KIAA1217: variants seen among roughly 807,000 people sequenced by gnomAD.
KIAA1217 encodes the protein sickle tail protein homolog.
A neutral mutation model predicts 163.9 loss-of-function variants in KIAA1217; 88 were observed. That is an observed-to-expected ratio of 0.54 (90% CI 0.45 to 0.64). KIAA1217 has a LOEUF of 0.64. Among genes scored for constraint, KIAA1217 ranks in the 30% least tolerant of loss-of-function variants. The probability of loss-of-function intolerance (pLI) is 0.00; values close to 1 mark genes in which losing one functional copy is unlikely to be tolerated. For missense variants in KIAA1217, 2,372 were observed against 2,475.0 expected (o/e 0.96, Z 0.88); for synonymous variants, 903 against 923.1 (o/e 0.98, Z 0.39).
chr10:24,198,380 G>A (rs542198923), intron 2 of KIAA1217, among the ~76,000 whole-genome samples: 1 of 152,070 alleles, frequency 6.6e-6, no homozygotes, highest in African/African-American at 2.4e-5. Flanking sequence ...AGGCTGAGGC[G>A]GGTGGATCAC....
intron 1 of KIAA1217, among the ~76,000 whole-genome samples, chr10:23,779,223 A>G (rs1835146058): frequency 6.6e-6 from 1 of 152,036 alleles, no homozygotes; most frequent in African/African-American, 2.4e-5. Flanking sequence ...AGTACCCAGG[A>G]CTCCTAGAGC....
At chr10:24,201,919 T>A (rs1339665028) in intron 2 of KIAA1217, among the ~76,000 whole-genome samples, 1 of 96,194 alleles carries the variant, frequency 1.0e-5, no homozygotes, top group Non-Finnish European at 2.5e-5. Context: ...CCCAACCTCC[T>A]GATCACCCCT....
chr10:24,520,371 C>T (rs1359580526), intron 11 of KIAA1217, 118 bp downstream of exon 11: 1 of 1,389,222 alleles, frequency 7.2e-7, no homozygotes, highest in South Asian at 1.3e-5. Flanking sequence ...TCTACATGTG[C>T]CAGGCATTGT....
chr10:24,331,953 C>T (rs2045735449), intron 2 of KIAA1217, among the ~76,000 whole-genome samples: 1 of 152,182 alleles, frequency 6.6e-6, no homozygotes, highest in South Asian at 2.1e-4. Context: ...GCGCGTGCCA[C>T]CATGCCCAGC....
intron 14 of KIAA1217, among the ~76,000 whole-genome samples, chr10:24,529,581 T>C (rs1592695763): frequency 6.6e-6 from 1 of 152,124 alleles, no homozygotes; most frequent in East Asian, 1.9e-4. Context: ...ACTTGTCTCC[T>C]CCCCAGTTTT....
At chr10:24,358,618 A>ATC in intron 2 of KIAA1217, among the ~76,000 whole-genome samples, 1 of 152,246 alleles carries the variant, frequency 6.6e-6, no homozygotes, top group African/African-American at 2.4e-5. Flanking sequence ...ATATTGAGAC[A>ATC]CAAAATTGAA....
At chr10:24,484,472 C>A (rs2065136179) in intron 6 of KIAA1217, among the ~76,000 whole-genome samples, 1 of 151,642 alleles carries the variant, frequency 6.6e-6, no homozygotes, top group African/African-American at 2.4e-5. Flanking sequence ...GTTTTGAACT[C>A]CTGACTTCAA....
At chr10:24,423,876 T>C (rs1186935109) in intron 3 of KIAA1217, among the ~76,000 whole-genome samples, 1 of 152,022 alleles carries the variant, frequency 6.6e-6, no homozygotes, top group African/African-American at 2.4e-5. Flanking sequence ...AAAATTATTA[T>C]TGCCTGGAAT....
chr10:24,231,041 G>A (rs540884988), intron 2 of KIAA1217, among the ~76,000 whole-genome samples: 9 of 152,332 alleles, frequency 5.9e-5, no homozygotes, highest in Non-Finnish European at 8.8e-5. Flanking sequence ...CTGGACTGGG[G>A]ACCAGTCTGC....
chr10:24,364,286 C>G (rs111252102), intron 2 of KIAA1217, among the ~76,000 whole-genome samples: 20 of 151,998 alleles, frequency 1.3e-4, no homozygotes, highest in Middle Eastern at 3.4e-3. Flanking sequence ...GCCACCCGCT[C>G]TTATTTTTTA....
intron 3 of KIAA1217, among the ~76,000 whole-genome samples, chr10:24,396,054 C>T (rs115176810): frequency 0.019 from 2,884 of 152,188 alleles, 92 homozygotes; most frequent in African/African-American, 0.065. Context: ...AAATGCTTAC[C>T]GGCCAGGCGT....
chr10:24,189,105 C>CAAAAAA (rs1286478652), intron 2 of KIAA1217, among the ~76,000 whole-genome samples: 6 of 65,036 alleles, frequency 9.2e-5, no homozygotes, highest in East Asian at 3.5e-4. Context: ...GACTCTGTCT[C>CAAAAAA]AAAAAAAAAA....
At chr10:24,402,603 AT>A (rs1306284763) in intron 3 of KIAA1217, among the ~76,000 whole-genome samples, 80 of 152,030 alleles carry the variant, frequency 5.3e-4, no homozygotes, top group African/African-American at 1.8e-3. Flanking sequence ...GGGAGGAATT[AT>A]TCCACCAGAT....
chr10:23,913,931 C>T (rs146932321), intron 1 of KIAA1217, among the ~76,000 whole-genome samples: 32 of 152,224 alleles, frequency 2.1e-4, no homozygotes, highest in Admixed American at 1.8e-3. Context: ...AGCTCTTCCT[C>T]TACGTAACCA....
chr10:24,148,259 CTTATGTAGTA>C (rs1403084960), intron 2 of KIAA1217, among the ~76,000 whole-genome samples: 3 of 151,910 alleles, frequency 2.0e-5, no homozygotes, highest in Non-Finnish European at 2.9e-5. Flanking sequence ...TTATAGAACA[CTTATGTAGTA>C]TTATGTAGAA....
At chr10:23,896,674 A>C (rs1197160028) in intron 1 of KIAA1217, among the ~76,000 whole-genome samples, 12 of 152,078 alleles carry the variant, frequency 7.9e-5, no homozygotes. Context: ...GGCATCCTAA[A>C]GGTTGGGTTA....
At chr10:23,819,058 A>AT (rs1837497310) in intron 1 of KIAA1217, among the ~76,000 whole-genome samples, 3 of 152,228 alleles carry the variant, frequency 2.0e-5, no homozygotes, top group African/African-American at 7.2e-5. Flanking sequence ...TATTTGCATG[A>AT]TATTAAAGCA....
At chr10:24,451,042 G>A (rs1368452402) in intron 5 of KIAA1217, among the ~76,000 whole-genome samples, 1 of 152,146 alleles carries the variant, frequency 6.6e-6, no homozygotes, top group Non-Finnish European at 1.5e-5. Context: ...TGTTTATCCA[G>A]GGACCTGGTT....
At chr10:24,337,846 T>C (rs1223089517) in intron 2 of KIAA1217, among the ~76,000 whole-genome samples, 1 of 152,012 alleles carries the variant, frequency 6.6e-6, no homozygotes, top group African/African-American at 2.4e-5. Flanking sequence ...GGTTTCACTA[T>C]GTTGGCCAGG....
Sources: allele counts gnomAD v4.1 joint callset (sites outside exome capture counted in the v4.1 genomes callset), GRCh38; gene constraint gnomAD v4.1.1; transcripts MANE v1.5; gene names NCBI Gene and HGNC (gene_info 2026-07-23, HGNC 2026-07-21).